Variants in BCL2L1 observed in about 807,000 individuals in gnomAD.
BCL2L1 encodes bcl-2-like protein 1.
A neutral mutation model predicts 18.7 loss-of-function variants in BCL2L1; 1 was observed. That is an observed-to-expected ratio of 0.05 (90% confidence interval 0.02 to 0.25). The LOEUF (loss-of-function observed/expected upper bound fraction) is 0.25, where lower values mean the gene tolerates loss of function less well. BCL2L1 is among the 10% of genes least tolerant of loss of function. BCL2L1 has a pLI of 1.00. For missense variants in BCL2L1, 207 were observed against 304.9 expected, an observed-to-expected ratio of 0.68 and a Z score of 2.39; for synonymous variants, 103 against 122.7, an observed-to-expected ratio of 0.84 and a Z score of 1.06.
intron 2 of BCL2L1, among the ~76,000 whole-genome samples, chr20:31,688,397 TCG>T (rs2060997988): frequency 7.1e-6 from 1 of 141,464 alleles, no homozygotes; most frequent in Non-Finnish European, 1.5e-5. Context: ...TGAGCCAAGA[TCG>T]TGCCACTGCA....
chr20:31,682,420 C>T (rs1031072711), intron 2 of BCL2L1, among the ~76,000 whole-genome samples: 1 of 152,120 alleles, frequency 6.6e-6, no homozygotes, highest in Non-Finnish European at 1.5e-5. Context: ...CTGCTTTGAC[C>T]TTATATGTGA....
intron 2 of BCL2L1, among the ~76,000 whole-genome samples, chr20:31,707,420 G>C (rs1234662767): frequency 6.6e-6 from 1 of 152,140 alleles, no homozygotes; most frequent in African/African-American, 2.4e-5. Flanking sequence ...ACTATATGCT[G>C]GGCTCCTTGG....
At chr20:31,673,050 T>C (rs1025464104) in intron 2 of BCL2L1, among the ~76,000 whole-genome samples, 1 of 150,538 alleles carries the variant, frequency 6.6e-6, no homozygotes, top group African/African-American at 2.4e-5. Context: ...TTCACCTCTC[T>C]GGTCCATGGT....
intron 2 of BCL2L1, among the ~76,000 whole-genome samples, chr20:31,681,412 C>A (rs186596767): frequency 1.3e-5 from 2 of 152,252 alleles, no homozygotes; most frequent in East Asian, 3.9e-4. Flanking sequence ...ACTTGGGAGG[C>A]CGAGGTGAGA....
chr20:31,717,236 T>C (rs1414632412), intron 2 of BCL2L1, among the ~76,000 whole-genome samples: 1 of 152,156 alleles, frequency 6.6e-6, no homozygotes, highest in African/African-American at 2.4e-5. Flanking sequence ...CCAGGGAGAC[T>C]GGACACAGAG....
intron 2 of BCL2L1, among the ~76,000 whole-genome samples, chr20:31,704,330 G>A (rs1235970745): frequency 2.0e-5 from 3 of 149,176 alleles, no homozygotes; most frequent in East Asian, 2.0e-4. Context: ...TTGAACTCCC[G>A]ACCTGATGAT....
At chr20:31,706,531 G>A (rs1052336215) in intron 2 of BCL2L1, among the ~76,000 whole-genome samples, 2 of 152,238 alleles carry the variant, frequency 1.3e-5, no homozygotes, top group African/African-American at 4.8e-5. Context: ...GCTGTTAAGA[G>A]TGAATAAGAC....
upstream of BCL2L1, chr20:31,723,736 T>C (rs927095043): frequency 8.1e-6 from 8 of 985,306 alleles, no homozygotes; most frequent in Non-Finnish European, 9.6e-6. Context: ...CGCTCTCACC[T>C]GCGAGCCCCG....
At chr20:31,723,745 CGCGA>C, upstream of BCL2L1, 1 of 985,418 alleles carries the variant, frequency 1.0e-6, no homozygotes, top group Non-Finnish European at 1.2e-6. Flanking sequence ...CTGCGAGCCC[CGCGA>C]GCCGTGGGGG....
At chr20:31,676,159 G>A (rs2060755518) in intron 2 of BCL2L1, among the ~76,000 whole-genome samples, 1 of 152,134 alleles carries the variant, frequency 6.6e-6, no homozygotes, top group Non-Finnish European at 1.5e-5. Flanking sequence ...ATTTACTGGG[G>A]GCAGAGATGC....
At chr20:31,720,114 T>C (rs1200723763) in intron 2 of BCL2L1, 1 of 985,230 alleles carries the variant, frequency 1.0e-6, no homozygotes, top group Non-Finnish European at 1.2e-6. Flanking sequence ...CCCACCACCT[T>C]TACCTCCCCT....
At chr20:31,691,270 T>TATGGAGGCCAGGC (rs2061069291) in intron 2 of BCL2L1, among the ~76,000 whole-genome samples, 1 of 145,338 alleles carries the variant, frequency 6.9e-6, no homozygotes, top group Admixed American at 6.9e-5. Flanking sequence ...TTTAACACCC[T>TATGGAGGCCAGGC]ATGGAGGCCA....
At chr20:31,706,417 A>T (rs192887257) in intron 2 of BCL2L1, among the ~76,000 whole-genome samples, 14 of 152,360 alleles carry the variant, frequency 9.2e-5, no homozygotes, top group African/African-American at 2.2e-4. Flanking sequence ...TTTACTCTGC[A>T]CTAGGCAATG....
intron 2 of BCL2L1, among the ~76,000 whole-genome samples, chr20:31,693,522 G>A (rs1035977287): frequency 6.6e-6 from 1 of 151,872 alleles, no homozygotes; most frequent in Non-Finnish European, 1.5e-5. Context: ...GGGCTCTAAG[G>A]TACTCACGTT....
chr20:31,670,778 G>A (rs1231840420), intron 2 of BCL2L1, among the ~76,000 whole-genome samples: 3 of 152,180 alleles, frequency 2.0e-5, no homozygotes, highest in East Asian at 3.9e-4. Context: ...GTTCCAGGGC[G>A]GGTGCTGGAG....
chr20:31,677,003 T>C (rs1367435714), intron 2 of BCL2L1, among the ~76,000 whole-genome samples: 1 of 152,194 alleles, frequency 6.6e-6, no homozygotes, highest in Non-Finnish European at 1.5e-5. Flanking sequence ...CAAGTATCAG[T>C]TGTCTCATTT....
intron 2 of BCL2L1, among the ~76,000 whole-genome samples, chr20:31,679,785 T>C (rs911812104): frequency 1.3e-5 from 2 of 152,252 alleles, no homozygotes; most frequent in Non-Finnish European, 2.9e-5. Flanking sequence ...TGCCTCAGCC[T>C]CCTGAGTAGC....
chr20:31,703,880 C>T lies in BCL2L1; in HGVS notation c.564+17775G>A, dbSNP rs572998508. Among the ~76,000 whole-genome samples, 15 of 151,468 alleles carry T rather than the reference C, an allele frequency of 9.9e-5. No homozygotes were observed. The East Asian group carries it at 2.9e-3, about 29-fold the overall frequency. ...TGGTGCGATCTTGGCTCATTGCAAC[C>T]TCTGCCTCCCAGGTTCAAGCGATTC... On this transcript the variant is annotated intron_variant, in intron 2 of 2. Coordinates refer to ENST00000307677, the MANE Select transcript of BCL2L1 (RefSeq NM_138578.3).
At chr20:31,723,878 G>C (rs1366208407), upstream of BCL2L1, 1 of 985,176 alleles carries the variant, frequency 1.0e-6, no homozygotes, top group East Asian at 1.1e-4. Context: ...CTGACTGCTC[G>C]CGCCGTCTCT....
Sources: allele counts gnomAD v4.1 joint callset (sites outside exome capture counted in the v4.1 genomes callset), GRCh38; gene constraint gnomAD v4.1.1; transcripts MANE v1.5; gene names NCBI Gene and HGNC (gene_info 2026-07-23, HGNC 2026-07-21).